The following WRN variants were observed in gnomAD, a reference collection of about 807,000 sequenced individuals.
The protein encoded by WRN is WRN RecQ like helicase.
In WRN, 149 loss-of-function variants were observed where a neutral mutation model predicts 180.7. The ratio of observed to expected loss-of-function variants is 0.82; its 90% CI spans 0.72 to 0.94. The LOEUF is 0.94. Ranked by LOEUF, WRN falls within the 40% of genes least tolerant of loss-of-function variation. The probability of loss-of-function intolerance (pLI) is 0.00; values close to 1 mark genes in which losing one functional copy is unlikely to be tolerated. For missense variants in WRN, 1,661 were observed against 1,700.1 expected (o/e 0.98, Z 0.40); for synonymous variants, 548 against 568.9 (o/e 0.96, Z 0.52).
chr8:31,084,398 A>G (rs1203372259), intron 10 of WRN, among the ~76,000 whole-genome samples: 2 of 152,212 alleles, frequency 1.3e-5, no homozygotes, highest in Admixed American at 6.5e-5. Context: ...GTTAAATAAG[A>G]AGTAAAATAA....
intron 21 of WRN, 103 bp downstream of exon 21, chr8:31,120,527 G>T: frequency 2.8e-6 from 3 of 1,062,502 alleles, no homozygotes; most frequent in Non-Finnish European, 4.0e-6. Context: ...AGTAATTTGT[G>T]AGTGCATTTA....
At position 31,147,147 on chromosome 8, in the gene WRN, G is replaced by C. The variant is rs199726229; in HGVS notation, c.3459+19G>C. ...GACTCAGGTAAGGCTTTTGTAAAAA[G>C]GTAATTAGTTTATGATAGGATAGTT... On this transcript the variant is annotated intron_variant, in intron 29 of 34. Coordinates refer to ENST00000298139, the MANE Select transcript of WRN (RefSeq NM_000553.6). The C allele has an allele frequency of 1.2e-6, 2 of 1,610,176 alleles. No homozygotes were observed. Among genetic ancestry groups the C allele is most frequent in the Admixed American group, 3.3e-5 (2 of 60,020 alleles).
At chr8:31,071,776 C>G (rs1191232207) in intron 7 of WRN, among the ~76,000 whole-genome samples, 1 of 152,214 alleles carries the variant, frequency 6.6e-6, no homozygotes, top group Non-Finnish European at 1.5e-5. Flanking sequence ...GCTACCACAC[C>G]TGACCTCAAA....
chr8:31,087,820 T>C lies in WRN; in HGVS notation c.1476T>C (p.Ser492=), dbSNP rs916000003. ...LNSGTVEPTH[S]KCLKMERNLG... is the part of the protein sequence containing the mutation. ...GTGGCACGGTAGAACCAACTCATTC[T>C]AAATGCTTAAAAATGGAAAGAAATC... Residue 492 remains serine, a synonymous_variant, in exon 12 of 35, where the codon TCT becomes TCC. Transcript: ENST00000298139. The C allele has an allele frequency of 5.0e-6, 8 of 1,613,668 alleles. No individual in the cohort carries two copies. The African/African-American group carries it at 5.3e-5, about 11-fold the overall frequency.
chr8:31,086,257 A>G (rs1585434687), intron 11 of WRN, among the ~76,000 whole-genome samples: 1 of 152,056 alleles, frequency 6.6e-6, no homozygotes, highest in East Asian at 1.9e-4. Flanking sequence ...TTTGAGGCCA[A>G]GTAATGAGTA....
At chr8:31,159,757 C>T (rs544124979) in intron 33 of WRN, among the ~76,000 whole-genome samples, 102 of 151,976 alleles carry the variant, frequency 6.7e-4, no homozygotes, top group Middle Eastern at 3.4e-3. Flanking sequence ...CCAGCCTGGC[C>T]AACATGGTGA....
intron 28 of WRN, among the ~76,000 whole-genome samples, chr8:31,145,527 C>T (rs1802824256): frequency 6.6e-6 from 1 of 152,182 alleles, no homozygotes; most frequent in Non-Finnish European, 1.5e-5. Context: ...CACTTAGTCA[C>T]CAAGAGCCGT....
rs368402754 is a variant in WRN, at chr8:31,116,541, A to G, written c.2448+13A>G. 1.2e-6 allele frequency: 2 copies of G among 1,613,474 alleles called. No individual in the cohort carries two copies. The highest frequency in any genetic ancestry group is 1.1e-5 in the South Asian group (1 of 91,028). On this transcript the variant is annotated intron_variant, in intron 20 of 34. Transcript: ENST00000298139. ...AGATGAAATTCAGGTATGAGGATCA[A>G]TCATCATTGCTCTCCGTTGCTCATA...
intron 19 of WRN, among the ~76,000 whole-genome samples, chr8:31,114,776 C>G (rs1801447890): frequency 6.6e-6 from 1 of 151,626 alleles, no homozygotes; most frequent in Admixed American, 6.6e-5. Context: ...TTTAAAGTAT[C>G]TGCTATCTTT....
At chr8:31,085,413 T>C (rs530853809) in intron 11 of WRN, among the ~76,000 whole-genome samples, 167 bp downstream of exon 11, 1 of 152,234 alleles carries the variant, frequency 6.6e-6, no homozygotes, top group Admixed American at 6.5e-5. Flanking sequence ...ATGTAGTCTA[T>C]GAATAATGGG....
rs542602723 is a variant in WRN, at chr8:31,085,198, G to T, written c.1383G>T (p.Thr461=). 1.1e-5 allele frequency: 17 copies of T among 1,612,650 alleles called. No homozygotes were observed. The East Asian group carries it at 3.6e-4, about 34-fold the overall frequency. Residue 461 remains threonine, a synonymous_variant, in exon 11 of 35, where the codon ACG becomes ACT. Transcript: ENST00000298139. ...CTCCCAATGATAATGAAAACGATAC[G>T]TCCTATGTAATTGAGAGTGATGAAG... ...HLSPNDNEND[T]SYVIESDEDL...
rs114777622 is a variant in WRN, at chr8:31,036,402, C to T, written c.-77+2429C>T. ...TACCCTGTAGTGGATTTGCTGGACCCGCTTGTAGTTCTACATTTAATATTT... is the reference window on the plus strand; with the variant it reads ...TACCCTGTAGTGGATTTGCTGGACCTGCTTGTAGTTCTACATTTAATATTT... On this transcript the variant is annotated intron_variant, in intron 1 of 34. Coordinates refer to ENST00000298139, the MANE Select transcript of WRN (RefSeq NM_000553.6). Among the ~76,000 whole-genome samples the T allele has an allele frequency of 7.4e-3, 1,131 of 152,228 alleles. 18 individuals carry two copies. Among genetic ancestry groups the T allele is most frequent in the African/African-American group, 0.026 (1,089 of 41,532 alleles).
intron 31 of WRN, 53 bp downstream of exon 31, chr8:31,150,508 C>T: frequency 6.6e-7 from 1 of 1,525,680 alleles, no homozygotes; most frequent in Non-Finnish European, 9.1e-7. Context: ...TTTTTGTAAC[C>T]ATTTCAAAAG....
rs1430069892 is a variant in WRN, at chr8:31,096,843, T to C, written c.1974T>C (p.Ala658=). 6.2e-7 allele frequency: 1 copy of C among 1,613,292 alleles called. No individual in the cohort carries two copies. The highest frequency in any genetic ancestry group is 1.7e-5 in the Admixed American group (1 of 59,984). Residue 658 remains alanine, a synonymous_variant, in exon 17 of 35, where the codon GCT becomes GCC. Coordinates refer to ENST00000298139, the MANE Select transcript of WRN (RefSeq NM_000553.6). ...GNMGLLQQLE[A]DIGITLIAVD... is the part of the protein sequence containing the mutation. Reference sequence around the variant, plus strand: ...TGGGCCTGCTCCAGCAACTTGAGGCTGATATTGGTAAGTGATAAAGAAAGA... The same window carrying C: ...TGGGCCTGCTCCAGCAACTTGAGGCCGATATTGGTAAGTGATAAAGAAAGA...
At chr8:31,152,466 A>G (rs1350081214) in intron 31 of WRN, among the ~76,000 whole-genome samples, 1 of 152,142 alleles carries the variant, frequency 6.6e-6, no homozygotes, top group African/African-American at 2.4e-5. Flanking sequence ...CTGGCTATGA[A>G]TGACAGTTGA....
chr8:31,140,021 T>G (rs865928921), intron 24 of WRN, among the ~76,000 whole-genome samples: 81 of 127,130 alleles, frequency 6.4e-4, no homozygotes, highest in Middle Eastern at 3.8e-3. Flanking sequence ...TTTTTTTTTT[T>G]TTTTTTTTTT....
At chr8:31,132,221 T>C in intron 23 of WRN, 144 bp from the exon 24 acceptor site, 1 of 917,278 alleles carries the variant, frequency 1.1e-6, no homozygotes, top group Non-Finnish European at 1.6e-6. Flanking sequence ...CATACTCGGG[T>C]ATAATGAACT....
intron 24 of WRN, among the ~76,000 whole-genome samples, chr8:31,140,060 G>T (rs1434804196): frequency 9.0e-6 from 1 of 110,930 alleles, no homozygotes; most frequent in African/African-American, 3.6e-5. Context: ...CTGTTGCTCA[G>T]TCTGTAGTGC....
chr8:31,111,672 C>T lies in WRN; in HGVS notation c.2146C>T (p.Arg716Cys), dbSNP rs201990558. Residue 716 changes from arginine to cysteine, a missense_variant, in exon 19 of 35, where the codon CGT becomes TGT. Arg to Cys is a radical substitution (Grantham distance 180). Transcript: ENST00000298139. ...ASSSIREDIV[R>C]CLNLRNPQIT... ...TTCTTCAATCCGGGAAGACATTGTA[C>T]GTTGCTTAAATCTGAGAAATCCTCA... is the stretch of plus-strand genomic sequence containing the variant. 6.6e-5 allele frequency: 106 copies of T among 1,614,032 alleles called. No homozygotes were observed. The highest frequency in any genetic ancestry group is 3.7e-4 in the African/African-American group (28 of 75,026).
Sources: gnomAD v4.1 joint callset for allele counts (sites outside exome capture counted in the v4.1 genomes callset) on GRCh38, gnomAD v4.1.1 for gene constraint, MANE v1.5 for transcripts, NCBI Gene and HGNC (gene_info 2026-07-23, HGNC 2026-07-21) for gene names.